KIT: variants seen among roughly 807,000 people sequenced by gnomAD.
The protein encoded by KIT is mast/stem cell growth factor receptor Kit.
Under a neutral mutation model 105.7 loss-of-function variants are expected in KIT, and 16 were observed. The ratio of observed to expected loss-of-function variants is 0.15; its 90% CI spans 0.10 to 0.23. The LOEUF is 0.23. Ranked by LOEUF, KIT falls within the 10% of genes least tolerant of loss-of-function variation. KIT has a pLI of 1.00. For missense variants in KIT, 858 were observed against 1,213.8 expected (o/e 0.71, Z 4.36); for synonymous variants, 438 against 441.1 (o/e 0.99, Z 0.09).
intron 16 of KIT, among the ~76,000 whole-genome samples, 174 bp from the exon 17 acceptor site, chr4:54,732,896 G>GAATAATAA (rs1722698597): frequency 6.6e-6 from 1 of 152,126 alleles, no homozygotes; most frequent in African/African-American, 2.4e-5. Context: ...TTGATTATGT[G>GAATAATAA]AACATCATTC....
intron 7 of KIT, among the ~76,000 whole-genome samples, chr4:54,720,958 A>T (rs1721831309): frequency 6.6e-6 from 1 of 152,194 alleles, no homozygotes; most frequent in South Asian, 2.1e-4. Flanking sequence ...TATTTACGAA[A>T]GTCACCATTA....
At chr4:54,673,862 C>T (rs1718282925) in intron 1 of KIT, among the ~76,000 whole-genome samples, 2 of 152,114 alleles carry the variant, frequency 1.3e-5, no homozygotes, top group South Asian at 4.1e-4. Context: ...CTCTGCCTCC[C>T]TAGTTCAAGT....
intron 7 of KIT, among the ~76,000 whole-genome samples, chr4:54,716,102 T>C (rs188519236): frequency 6.6e-6 from 1 of 152,258 alleles, no homozygotes; most frequent in Admixed American, 6.5e-5. Flanking sequence ...GGCCACAAAT[T>C]TGAAGACTTG....
intron 7 of KIT, among the ~76,000 whole-genome samples, chr4:54,722,158 G>A (rs1185897515): frequency 6.6e-5 from 10 of 151,992 alleles, no homozygotes; most frequent in Admixed American, 6.6e-4. Context: ...GCTAATTTTT[G>A]TGTTTTTAGT....
At chr4:54,677,037 G>T (rs1478515740) in intron 1 of KIT, among the ~76,000 whole-genome samples, 1 of 152,122 alleles carries the variant, frequency 6.6e-6, no homozygotes, top group East Asian at 1.9e-4. Flanking sequence ...TTGGTTTATT[G>T]CTGATGTGGA....
intron 1 of KIT, among the ~76,000 whole-genome samples, chr4:54,686,623 C>T (rs1719330293): frequency 6.6e-6 from 1 of 152,204 alleles, no homozygotes; most frequent in African/African-American, 2.4e-5. Flanking sequence ...CAGCTCACTG[C>T]AGCCTCGACC....
intron 1 of KIT, among the ~76,000 whole-genome samples, chr4:54,679,774 C>G (rs1419633848): frequency 6.6e-6 from 1 of 152,106 alleles, no homozygotes; most frequent in East Asian, 1.9e-4. Context: ...AATAAAATGT[C>G]AAGACGAATG....
At chr4:54,668,076 G>C (rs1717829835) in intron 1 of KIT, among the ~76,000 whole-genome samples, 1 of 152,156 alleles carries the variant, frequency 6.6e-6, no homozygotes, top group Admixed American at 6.5e-5. Context: ...TTGAAGCAAA[G>C]ATAGCAACAA....
rs1310244864 is a variant in KIT at position 54,738,835 on chromosome 4, G to C, written c.*278G>C. 8 of 601,108 alleles carry C rather than the reference G, an allele frequency of 1.3e-5. No homozygotes were observed. Among genetic ancestry groups the C allele is most frequent in the Non-Finnish European group, 3.0e-6 (1 of 338,326 alleles). The allele number at this position is 601,108 out of a possible 1,614,324, so 37.2% of individuals were successfully genotyped here. On this transcript the variant is annotated 3_prime_UTR_variant, in exon 21 of 21. Coordinates refer to ENST00000288135, the MANE Select transcript of KIT (RefSeq NM_000222.3). ...GAAAAAGAGAGGGAGGTATGGACTGGGGGCCAGAGTCCTTTCCAAGGCTTC... is the reference window on the plus strand; with the variant it reads ...GAAAAAGAGAGGGAGGTATGGACTGCGGGCCAGAGTCCTTTCCAAGGCTTC...
At chr4:54,659,314 T>C (rs1303489228) in intron 1 of KIT, among the ~76,000 whole-genome samples, 1 of 152,180 alleles carries the variant, frequency 6.6e-6, no homozygotes, top group Non-Finnish European at 1.5e-5. Flanking sequence ...TCCCGTTCCC[T>C]TTTTTCCAGG....
At position 54,739,319 on chromosome 4, in the gene KIT, C is replaced by T. The variant is rs950911427; in HGVS notation, c.*762C>T. 1 of 236,896 alleles carries T rather than the reference C, an allele frequency of 4.2e-6. No homozygotes were observed. Among genetic ancestry groups the T allele is most frequent in the African/African-American group, 2.2e-5 (1 of 45,418 alleles). The allele number at this position is 236,896 out of a possible 1,614,324, so 14.7% of individuals were successfully genotyped here. A position where few individuals can be genotyped will look rare whatever the true frequency, so the allele number is the denominator to read the frequency against. On this transcript the variant is annotated 3_prime_UTR_variant, in exon 21 of 21. Coordinates refer to ENST00000288135, the MANE Select transcript of KIT (RefSeq NM_000222.3). ...GTATACAACCCTGGCATTATGTCCA[C>T]TGTGTATAGAAGTAGATTAAGAGCC...
rs75463549 is a variant in KIT at position 54,712,648 on chromosome 4, T to G, written c.1231+3109T>G. ...ATTTGCCATTCCAGCAGGCTCAGTT[T>G]TAATCAGTGCTGCTGGTGAACCCAT... On this transcript the variant is annotated intron_variant, in intron 7 of 20. Coordinates refer to ENST00000288135, the MANE Select transcript of KIT (RefSeq NM_000222.3). Among the ~76,000 whole-genome samples the G allele has an allele frequency of 6.1e-3, 932 of 152,334 alleles. 11 individuals are homozygous for G. The highest frequency in any genetic ancestry group is 0.021 in the African/African-American group (890 of 41,574).
intron 1 of KIT, among the ~76,000 whole-genome samples, chr4:54,675,248 T>G (rs1246703960): frequency 1.3e-5 from 2 of 152,208 alleles, no homozygotes; most frequent in Non-Finnish European, 2.9e-5. Flanking sequence ...ATATGAAGAA[T>G]AAGGACAGAT....
rs555547503 is a variant in KIT, at chr4:54,695,206, G to A, written c.68-306G>A. Among the ~76,000 whole-genome samples, 237 of 152,234 alleles carry A rather than the reference G, an allele frequency of 1.6e-3. 8 individuals are homozygous for A. The South Asian group carries it at 0.048, about 31-fold the overall frequency. On this transcript the variant is annotated intron_variant, in intron 1 of 20. Coordinates refer to ENST00000288135, the MANE Select transcript of KIT (RefSeq NM_000222.3). ...TCTGCATGTCCACACTGCGAAGATG[G>A]CCCATATTCAGAATGAAAACTTGAC...
rs574868615 is a variant in KIT at position 54,713,043 on chromosome 4, T to C, written c.1231+3504T>C. Among the ~76,000 whole-genome samples, 6 of 149,632 alleles carry C rather than the reference T, an allele frequency of 4.0e-5. No individual in the cohort carries two copies. The South Asian group carries it at 1.3e-3, about 33-fold the overall frequency. ...ACGTCCCAGTTGCTCTTTAGAGATA[T>C]AGTTAGCTGATTTGTTGATTTTTTT... On this transcript the variant is annotated intron_variant, in intron 7 of 20. Coordinates refer to ENST00000288135, the MANE Select transcript of KIT (RefSeq NM_000222.3).
intron 8 of KIT, among the ~76,000 whole-genome samples, chr4:54,724,850 G>A (rs1213361622): frequency 6.6e-6 from 1 of 152,150 alleles, no homozygotes; most frequent in Non-Finnish European, 1.5e-5. Flanking sequence ...GCCACATGTG[G>A]GCTGCAGGTT....
intron 1 of KIT, among the ~76,000 whole-genome samples, chr4:54,666,261 TGTTTTTG>T (rs955347367): frequency 1.3e-5 from 2 of 152,174 alleles, no homozygotes; most frequent in East Asian, 1.9e-4. Context: ...AAAATTTTTT[TGTTTTTG>T]TTTTTTGTTT....
intron 1 of KIT, among the ~76,000 whole-genome samples, chr4:54,683,291 A>T (rs1401495662): frequency 6.6e-6 from 1 of 152,208 alleles, no homozygotes; most frequent in Non-Finnish European, 1.5e-5. Flanking sequence ...CTATGTCTCT[A>T]CCAGTATATA....
chr4:54,696,176 G>T (rs77422070), intron 2 of KIT, among the ~76,000 whole-genome samples: 115 of 152,006 alleles, frequency 7.6e-4, no homozygotes, highest in Non-Finnish European at 1.4e-3. Flanking sequence ...TAACCAGACC[G>T]ACACTTCGAA....
Sources: gnomAD v4.1 joint callset for allele counts (sites outside exome capture counted in the v4.1 genomes callset) on GRCh38, gnomAD v4.1.1 for gene constraint, MANE v1.5 for transcripts, NCBI Gene and HGNC (gene_info 2026-07-23, HGNC 2026-07-21) for gene names.